TMEM244: variants seen among roughly 807,000 people sequenced by gnomAD.
The protein encoded by TMEM244 is putative transmembrane protein 244.
TMEM244 carries 13 observed loss-of-function variants against 15.8 expected under a neutral mutation model. The observed-to-expected ratio is 0.82, with a 90% CI of 0.53 to 1.30. TMEM244 has a LOEUF of 1.30. Among genes scored for constraint, TMEM244 ranks in the 50% most tolerant of loss-of-function variants. TMEM244 has a pLI of 0.00. For missense variants in TMEM244, 161 were observed against 144.9 expected (o/e 1.11, Z -0.57); for synonymous variants, 45 against 48.7 (o/e 0.92, Z 0.32).
Position 129,833,472 on chromosome 6 carries a change from T to C in TMEM244, c.307A>G (p.Ile103Val), listed in dbSNP as rs767001529. ...TTATTCTGCTTACCAGTTGAAGTGA[T>C]GGCAACATGAAGAATAGTGACTGAA... Reference protein sequence around the residue: ...AISVTILHVAITSTVMLEFPL... With the variant: ...AISVTILHVAVTSTVMLEFPL... The change falls in exon 4 of 5, where the codon ATC (isoleucine) becomes GTC (valine). Residue 103 changes from isoleucine (I) to valine (V), a missense_variant. Physicochemically the swap from Ile to Val is conservative, Grantham distance 29. Transcript: ENST00000368143. The C allele has an allele frequency of 2.9e-5, 46 of 1,611,600 alleles. No homozygotes were observed. The highest frequency in any genetic ancestry group is 3.6e-5 in the Non-Finnish European group (43 of 1,179,184).
chr6:129,837,719 G>A (rs1246688676), intron 3 of TMEM244, among the ~76,000 whole-genome samples: 2 of 152,112 alleles, frequency 1.3e-5, no homozygotes, highest in Non-Finnish European at 2.9e-5. Context: ...AAAATAAAGG[G>A]ATGGAGGAAG....
At position 129,859,752 on chromosome 6, in the gene TMEM244, TA is replaced by T. The variant is rs369429463; in HGVS notation, c.33+1403del. Among the ~76,000 whole-genome samples, 48 of 152,314 alleles carry T rather than the reference TA, an allele frequency of 3.2e-4. No individual in the cohort carries two copies. The East Asian group carries it at 6.4e-3, about 20-fold the overall frequency. ...TTTTCTGTCATTTAAAGTGTACAGA[TA>T]GGGGGGATTTAATTAGCCCAATGCC... On this transcript the variant is annotated intron_variant, in intron 1 of 4. Coordinates refer to ENST00000368143, the MANE Select transcript of TMEM244 (RefSeq NM_001010876.2).
At chr6:129,845,088 A>G (rs1776543468) in intron 2 of TMEM244, among the ~76,000 whole-genome samples, 1 of 152,228 alleles carries the variant, frequency 6.6e-6, no homozygotes, top group Admixed American at 6.5e-5. Flanking sequence ...ATACCATTAA[A>G]ATACACGTAT....
intron 2 of TMEM244, among the ~76,000 whole-genome samples, chr6:129,845,539 G>C (rs527618422): frequency 8.5e-5 from 13 of 152,238 alleles, no homozygotes; most frequent in Admixed American, 2.6e-4. Flanking sequence ...AGCATTTTGG[G>C]AGACCAAGGC....
intron 3 of TMEM244, among the ~76,000 whole-genome samples, chr6:129,842,125 A>G (rs1174248395): frequency 3.3e-5 from 5 of 152,176 alleles, no homozygotes; most frequent in Admixed American, 6.6e-5. Context: ...AATCTCTGCT[A>G]TGAAAAAACA....
chr6:129,831,475 C>A, intron 4 of TMEM244, 89 bp from the exon 5 acceptor site: 1 of 893,342 alleles, frequency 1.1e-6, no homozygotes, highest in South Asian at 1.4e-5. Context: ...AAATTATATC[C>A]ACTCAACAAG....
intron 3 of TMEM244, among the ~76,000 whole-genome samples, chr6:129,840,677 C>A (rs1776477511): frequency 6.6e-6 from 1 of 152,076 alleles, no homozygotes; most frequent in Non-Finnish European, 1.5e-5. Context: ...TGCAATCTGT[C>A]CATCTGACAA....
intron 1 of TMEM244, among the ~76,000 whole-genome samples, chr6:129,855,528 T>C (rs965860511): frequency 1.3e-5 from 2 of 152,220 alleles, no homozygotes; most frequent in African/African-American, 4.8e-5. Context: ...CCTACACGGA[T>C]ATAAAATATC....
At chr6:129,839,041 T>C (rs182029268) in intron 3 of TMEM244, among the ~76,000 whole-genome samples, 1 of 152,066 alleles carries the variant, frequency 6.6e-6, no homozygotes, top group Non-Finnish European at 1.5e-5. Context: ...AGTATTCCAA[T>C]CAATAGAAAA....
At chr6:129,851,381 G>A (rs1165016249) in intron 1 of TMEM244, among the ~76,000 whole-genome samples, 2 of 152,134 alleles carry the variant, frequency 1.3e-5, no homozygotes, top group Non-Finnish European at 2.9e-5. Context: ...CAATTCTCCT[G>A]CCTCAACCTC....
chr6:129,847,469 G>A (rs1271474704), intron 1 of TMEM244, among the ~76,000 whole-genome samples: 1 of 152,168 alleles, frequency 6.6e-6, no homozygotes, highest in Non-Finnish European at 1.5e-5. Flanking sequence ...AGTTAGCAGA[G>A]AGTATACCAC....
intron 1 of TMEM244, 67 bp downstream of exon 1, chr6:129,861,089 A>G: frequency 1.9e-6 from 3 of 1,567,188 alleles, no homozygotes; most frequent in Non-Finnish European, 2.6e-6. Context: ...CATTTATAGA[A>G]CATATTCATT....
intron 3 of TMEM244, among the ~76,000 whole-genome samples, chr6:129,839,736 G>T (rs1776461820): frequency 6.6e-6 from 1 of 152,090 alleles, no homozygotes; most frequent in African/African-American, 2.4e-5. Flanking sequence ...CAAAGTCTCA[G>T]GATACAAAAT....
Position 129,861,265 on chromosome 6 carries a change from C to T in TMEM244, c.-77G>A, listed in dbSNP as rs906421423. 1 of 1,542,462 alleles carries T rather than the reference C, an allele frequency of 6.5e-7. No homozygotes were observed. Among genetic ancestry groups the T allele is most frequent in the African/African-American group, 1.4e-5 (1 of 73,078 alleles). ...GACATCTGGAAGAAGACACAATTGTCACCGTGAGCTTTTCAATTACTCCTG... is the reference window on the plus strand; with the variant it reads ...GACATCTGGAAGAAGACACAATTGTTACCGTGAGCTTTTCAATTACTCCTG... On this transcript the variant is annotated 5_prime_UTR_variant, in exon 1 of 5. Transcript: ENST00000368143.
At chr6:129,859,094 G>A (rs562226875) in intron 1 of TMEM244, among the ~76,000 whole-genome samples, 3 of 152,104 alleles carry the variant, frequency 2.0e-5, no homozygotes, top group African/African-American at 4.8e-5. Context: ...ACGCCTGGCC[G>A]GAACCATAGT....
At chr6:129,841,314 A>T (rs956203617) in intron 3 of TMEM244, among the ~76,000 whole-genome samples, 15 of 151,958 alleles carry the variant, frequency 9.9e-5, no homozygotes, top group African/African-American at 3.6e-4. Flanking sequence ...TAAGCAAACT[A>T]TCACAAGAAC....
intron 1 of TMEM244, among the ~76,000 whole-genome samples, chr6:129,857,335 C>A (rs899086610): frequency 6.6e-6 from 1 of 151,332 alleles, no homozygotes; most frequent in African/African-American, 2.4e-5. Context: ...CACACACACA[C>A]ACACACATAT....
chr6:129,838,950 CA>C (rs141557273), intron 3 of TMEM244, among the ~76,000 whole-genome samples: 1 of 151,962 alleles, frequency 6.6e-6, no homozygotes, highest in African/African-American at 2.4e-5. Flanking sequence ...GCCTATCAAC[CA>C]AAAAAAGTCC....
chr6:129,845,848 A>G lies in TMEM244; in HGVS notation c.38T>C (p.Val13Ala). The G allele has an allele frequency of 6.2e-7, 1 of 1,611,892 alleles. No individual in the cohort carries two copies. The highest frequency in any genetic ancestry group is 8.5e-7 in the Non-Finnish European group (1 of 1,179,040). ...LQVRVAPSKV[V>A]LQKFLLCVIL... ...GACACATAGAAGAAACTTCTGCAAA[A>G]CAACCTGTGGAGAAAACAGGCATGA... The change falls in exon 2 of 5, where the codon GTT (valine) becomes GCT (alanine). Residue 13 changes from valine to alanine, a missense_variant. Transcript: ENST00000368143.
Sources: allele counts gnomAD v4.1 joint callset (sites outside exome capture counted in the v4.1 genomes callset), GRCh38; gene constraint gnomAD v4.1.1; transcripts MANE v1.5; gene names NCBI Gene and HGNC (gene_info 2026-07-23, HGNC 2026-07-21).